RCOR3: variants seen among roughly 807,000 people sequenced by gnomAD.
The protein encoded by RCOR3 is REST corepressor 3.
Under a neutral mutation model 64.1 loss-of-function variants are expected in RCOR3, and 13 were observed. The observed-to-expected ratio is 0.20, with a 90% CI of 0.13 to 0.32. The LOEUF (loss-of-function observed/expected upper bound fraction) is 0.32. Ranked by LOEUF, RCOR3 falls within the 10% of genes least tolerant of loss-of-function variation. The probability of loss-of-function intolerance (pLI) is 1.00; values close to 1 mark genes in which losing one functional copy is unlikely to be tolerated. For missense variants in RCOR3, 489 were observed against 701.2 expected (o/e 0.70, Z 3.42); for synonymous variants, 215 against 239.0 (o/e 0.90, Z 0.93).
At chr1:211,300,905 TATGC>T (rs199553425) in intron 9 of RCOR3, among the ~76,000 whole-genome samples, 15 of 79,712 alleles carry the variant, frequency 1.9e-4, no homozygotes, top group South Asian at 8.6e-4. Flanking sequence ...CTCTAGTGTG[TATGC>T]GTGCGTGCGT....
chr1:211,268,879 A>T (rs1193201117), intron 2 of RCOR3, among the ~76,000 whole-genome samples: 1 of 152,100 alleles, frequency 6.6e-6, no homozygotes, highest in Non-Finnish European at 1.5e-5. Context: ...TTTTAAGATA[A>T]ATTTATATTT....
At position 211,313,444 on chromosome 1, in the gene RCOR3, T is replaced by A. The variant is rs1244153112; in HGVS notation, c.1338T>A (p.Pro446=). The A allele has an allele frequency of 6.2e-7, 1 of 1,613,914 alleles. No homozygotes were observed. Among genetic ancestry groups the A allele is most frequent in the East Asian group, 2.2e-5 (1 of 44,880 alleles). ...EEEEAQTPQA[P]RTLGPSPPAP... ...TCTAGGCACAGACCCCACAGGCTCC[T>A]CGGACACTGGGTCCATCACCTCCTG... Residue 446 remains proline, a synonymous_variant, in exon 12 of 12, where the codon CCT becomes CCA. Transcript: ENST00000419091. This position sits in a 1 kb window ranked among gnomAD's most constrained non-coding sequence, Gnocchi z 4.7.
chr1:211,259,861 G>A (rs1211005461), intron 1 of RCOR3, 135 bp downstream of exon 1: 6 of 1,046,716 alleles, frequency 5.7e-6, no homozygotes, highest in Admixed American at 3.4e-5. Context: ...CGAACTCCCG[G>A]TGCAGTGCAG....
At chr1:211,309,611 A>G (rs898632115) in intron 10 of RCOR3, among the ~76,000 whole-genome samples, 1 of 152,202 alleles carries the variant, frequency 6.6e-6, no homozygotes, top group African/African-American at 2.4e-5. Context: ...CTCTTTTCCT[A>G]GAAGTGAGAC....
intron 8 of RCOR3, among the ~76,000 whole-genome samples, chr1:211,293,083 C>T (rs1699429000): frequency 2.7e-5 from 1 of 37,254 alleles, no homozygotes; most frequent in Admixed American, 3.1e-4. Flanking sequence ...GACTCTGTCT[C>T]CAAAAATAAA....
At chr1:211,275,331 T>G (rs2102492447) in intron 4 of RCOR3, among the ~76,000 whole-genome samples, 1 of 152,218 alleles carries the variant, frequency 6.6e-6, no homozygotes, top group South Asian at 2.1e-4. Context: ...CTAAAGGTAG[T>G]TAACTTTTTT....
Position 211,315,466 on chromosome 1 carries a change from A to C in RCOR3, c.*1698A>C, listed in dbSNP as rs565984065. On this transcript the variant is annotated 3_prime_UTR_variant, in exon 12 of 12. Transcript: ENST00000419091. ...TTTTCTTTCTCATTGAATCATCTTA[A>C]ATAGTTCTTGGCCCTGAATTTAGCT... 6.6e-6 allele frequency: 1 copy of C among 152,290 alleles called. No homozygotes were observed. The highest frequency in any genetic ancestry group is 1.9e-4 in the East Asian group (1 of 5,190). The allele number at this position is 152,290 out of a possible 1,614,324, so 9.4% of individuals were successfully genotyped here. A position where few individuals can be genotyped will look rare whatever the true frequency, so the allele number is the denominator to read the frequency against.
intron 9 of RCOR3, 64 bp from the exon 10 acceptor site, chr1:211,304,019 A>G (rs1700630910): frequency 8.7e-7 from 1 of 1,155,998 alleles, no homozygotes; most frequent in Non-Finnish European, 1.2e-6. Flanking sequence ...ATTTAAAAAA[A>G]TAAGCGCTTT....
At chr1:211,272,879 C>T (rs1696436828) in intron 3 of RCOR3, among the ~76,000 whole-genome samples, 1 of 151,876 alleles carries the variant, frequency 6.6e-6, no homozygotes, top group South Asian at 2.1e-4. Context: ...CCTCGGCCTC[C>T]CAAAGTGCTG....
Position 211,312,750 on chromosome 1 carries a change from C to T in RCOR3, c.1106C>T (p.Ala369Val). Residue 369 changes from alanine to valine, a missense_variant, in exon 11 of 12, where the codon GCT becomes GTT. By Grantham distance (64) the Ala-to-Val change is moderately conservative. Around this residue, in one of 2 missense-constraint regions of RCOR3, gnomAD observed 402 missense variants for 617.0 expected, o/e 0.65. Transcript: ENST00000419091. This position sits in a 1 kb window ranked among gnomAD's most constrained non-coding sequence, Gnocchi z 5.0. ...CGCAAATATGGTAAAGATTTTCAAG[C>T]TATTGCAGATGTAATTGGCAACAAG... Reference protein sequence around the residue: ...GVRKYGKDFQAIADVIGNKTV... With the variant: ...GVRKYGKDFQVIADVIGNKTV... 6.2e-7 allele frequency: 1 copy of T among 1,614,114 alleles called. No individual in the cohort carries two copies.
chr1:211,299,450 G>A (rs1700163020), intron 9 of RCOR3, among the ~76,000 whole-genome samples: 1 of 152,178 alleles, frequency 6.6e-6, no homozygotes, highest in South Asian at 2.1e-4. Flanking sequence ...GCTTTTTGAA[G>A]CTGTAAATTC....
chr1:211,271,424 T>C, intron 3 of RCOR3, 115 bp downstream of exon 3: 1 of 767,318 alleles, frequency 1.3e-6, no homozygotes, highest in Admixed American at 2.5e-5. Flanking sequence ...AGTTTTGTCT[T>C]TGTTTTATTT....
At chr1:211,279,371 A>G in intron 7 of RCOR3, 55 bp downstream of exon 7, 1 of 1,334,896 alleles carries the variant, frequency 7.5e-7, no homozygotes, top group Non-Finnish European at 1.1e-6. Context: ...GCTGAAAAAG[A>G]ATGAACAGTA....
chr1:211,283,384 C>T lies in RCOR3; in HGVS notation c.720+4068C>T, dbSNP rs933698425. 3.3e-5 allele frequency among the ~76,000 whole-genome samples: 5 copies of T among 152,326 alleles called. 1 individual carries two copies. The highest frequency in any genetic ancestry group is 2.0e-4 in the Admixed American group (3 of 15,308). ...CAGGATTCTTTGGAATGGAGTCACTCTATTTTAGGGAATAGCCACATTAAA... is the reference window on the plus strand; with the variant it reads ...CAGGATTCTTTGGAATGGAGTCACTTTATTTTAGGGAATAGCCACATTAAA... On this transcript the variant is annotated intron_variant, in intron 7 of 11. Coordinates refer to ENST00000419091, the MANE Select transcript of RCOR3 (RefSeq NM_001136223.3).
chr1:211,273,536 T>C (rs980339548), intron 3 of RCOR3, among the ~76,000 whole-genome samples: 3 of 152,230 alleles, frequency 2.0e-5, no homozygotes, highest in African/African-American at 7.2e-5. Flanking sequence ...AACTGAGTTC[T>C]GGTGAATGTG....
chr1:211,314,872 G>A lies in RCOR3; in HGVS notation c.*1104G>A, dbSNP rs909503999. On this transcript the variant is annotated 3_prime_UTR_variant, in exon 12 of 12. Transcript: ENST00000419091. The stretch of plus-strand genomic sequence containing the variant: ...TCCTTGCAGCCAACCTGTATTCGTG[G>A]GATTGGTGTAGGGTTAAATCATCAA... 6.6e-6 allele frequency: 1 copy of A among 152,032 alleles called. No homozygotes were observed. The highest frequency in any genetic ancestry group is 2.4e-5 in the African/African-American group (1 of 41,398). The allele number at this position is 152,032 out of a possible 1,614,324, so 9.4% of individuals were successfully genotyped here.
Position 211,289,307 on chromosome 1 carries a change from G to A in RCOR3, c.850G>A (p.Glu284Lys). 2 of 1,614,166 alleles carry A rather than the reference G, an allele frequency of 1.2e-6. No individual in the cohort carries two copies. Among genetic ancestry groups the A allele is most frequent in the Non-Finnish European group, 1.7e-6 (2 of 1,180,028 alleles). Residue 284 changes from glutamate (E) to lysine (K), a missense_variant, in exon 8 of 12, where the codon GAA (glutamate) becomes AAA (lysine). Around this residue, in one of 2 missense-constraint regions of RCOR3, gnomAD observed 402 missense variants for 617.0 expected, o/e 0.65. Coordinates refer to ENST00000419091, the MANE Select transcript of RCOR3 (RefSeq NM_001136223.3). ...ACCTAAGGGCATGTATTTAACCCAG[G>A]AAGATGTGGTAGCAGTTTCCTGTAG... is the stretch of plus-strand genomic sequence containing the variant. ...RPPKGMYLTQ[E>K]DVVAVSCSPN...
At chr1:211,309,086 T>TTAA (rs369747013) in intron 10 of RCOR3, among the ~76,000 whole-genome samples, 3 of 113,908 alleles carry the variant, frequency 2.6e-5, no homozygotes, top group Non-Finnish European at 5.2e-5. Flanking sequence ...TAGCTAAACA[T>TTAA]AAAAAAAAAA....
At chr1:211,264,280 G>A (rs542941621) in intron 2 of RCOR3, among the ~76,000 whole-genome samples, 1 of 152,292 alleles carries the variant, frequency 6.6e-6, no homozygotes. Flanking sequence ...CTTGGGTGCT[G>A]AGACTGTAAA....
Sources: allele counts gnomAD v4.1 joint callset (sites outside exome capture counted in the v4.1 genomes callset), GRCh38; gene constraint gnomAD v4.1.1; regional missense constraint gnomAD v4.1.1; non-coding constraint Gnocchi (gnomAD v3.1); transcripts MANE v1.5; gene names NCBI Gene and HGNC (gene_info 2026-07-23, HGNC 2026-07-21).